The following WTAP variants were observed in gnomAD, a reference collection of about 807,000 sequenced individuals.
The protein encoded by WTAP is WT1 associated protein, also known as pre-mRNA-splicing regulator WTAP.
WTAP carries 8 observed loss-of-function variants against 50.0 expected under a neutral mutation model. That is an observed-to-expected ratio of 0.16 (90% confidence interval 0.09 to 0.29). The LOEUF is 0.29. Ranked by LOEUF, WTAP falls within the 10% of genes least tolerant of loss-of-function variation. The pLI, the probability that WTAP is intolerant of heterozygous loss-of-function variation, is 1.00. For synonymous variants in WTAP, 194 were observed against 169.0 expected (o/e 1.15, Z -1.15); for missense variants, 295 against 470.7 (o/e 0.63, Z 3.45).
chr6:159,735,647 G>A (rs1197654861), intron 1 of WTAP, among the ~76,000 whole-genome samples: 2 of 152,144 alleles, frequency 1.3e-5, no homozygotes, highest in Admixed American at 6.5e-5. Flanking sequence ...TATTTAGGGG[G>A]CTGAGGCAGG....
chr6:159,738,631 T>C (rs1779060255), intron 2 of WTAP, among the ~76,000 whole-genome samples: 1 of 152,224 alleles, frequency 6.6e-6, no homozygotes, highest in South Asian at 2.1e-4. Flanking sequence ...TAAAAGGAAC[T>C]GCCATACTTC....
chr6:159,738,982 C>T lies in WTAP; in HGVS notation c.31-8C>T, dbSNP rs762671079. 5 of 1,605,964 alleles carry T rather than the reference C, an allele frequency of 3.1e-6. No homozygotes were observed. The South Asian group carries it at 3.3e-5, about 11-fold the overall frequency. On this transcript the variant is annotated splice_region_variant and splice_polypyrimidine_tract_variant and intron_variant, in intron 2 of 7. Coordinates refer to ENST00000621533, the MANE Select transcript of WTAP (RefSeq NM_001270531.2). The stretch of plus-strand genomic sequence containing the variant: ...AACACTAAATTCATATTGTAATTCT[C>T]TTTATAGGTTCGATTGAGTGAAACA...
chr6:159,749,426 G>GTTT, intron 6 of WTAP: 4 of 899,558 alleles, frequency 4.4e-6, no homozygotes, highest in East Asian at 1.2e-4. Context: ...GAAATAGTTG[G>GTTT]TTTTTTTTTT....
intron 6 of WTAP, among the ~76,000 whole-genome samples, chr6:159,752,578 C>T (rs549690162): frequency 2.6e-5 from 4 of 151,996 alleles, no homozygotes; most frequent in African/African-American, 4.8e-5. Context: ...CAGATATTTG[C>T]GTGTTTGAAT....
intron 1 of WTAP, among the ~76,000 whole-genome samples, chr6:159,735,768 TATATA>T (rs1244924662): frequency 1.3e-5 from 2 of 151,832 alleles, no homozygotes; most frequent in African/African-American, 2.4e-5. Flanking sequence ...AAAAATAAAA[TATATA>T]ATATATCTAA....
intron 3 of WTAP, 79 bp from the exon 4 acceptor site, chr6:159,742,009 G>T: frequency 9.5e-7 from 1 of 1,053,124 alleles, no homozygotes; most frequent in Non-Finnish European, 1.4e-6. Flanking sequence ...ACTAAAATCT[G>T]TGAGTTTATA....
chr6:159,755,765 C>CTTTTTTTTTTTTTTTTTTTTTTTTTTTTT lies in WTAP; in HGVS notation c.*179_*180insTTTTTTTTTTTTTTTTTTTTTTTTTTTTT. Reference sequence around the variant, plus strand: ...TTTTTCTTTGTTTTTTTTTTCTTTTCTTTTTTTTTTTTTTTTTTTTTTTTT... The same window carrying CTTTTTTTTTTTTTTTTTTTTTTTTTTTTT: ...TTTTTCTTTGTTTTTTTTTTCTTTTCTTTTTTTTTTTTTTTTTTTTTTTTTTTTTTTTTTTTTTTTTTTTTTTTTTTTTT... On this transcript the variant is annotated 3_prime_UTR_variant, in exon 8 of 8. Transcript: ENST00000621533. 1.3e-4 allele frequency: 21 copies of CTTTTTTTTTTTTTTTTTTTTTTTTTTTTT among 160,624 alleles called. 2 individuals carry two copies. Among genetic ancestry groups the CTTTTTTTTTTTTTTTTTTTTTTTTTTTTT allele is most frequent in the Middle Eastern group, 2.8e-3 (1 of 356 alleles). The allele number at this position is 160,624 out of a possible 1,614,324, so 9.9% of individuals were successfully genotyped here. A position where few individuals can be genotyped will look rare whatever the true frequency, so the allele number is the denominator to read the frequency against.
chr6:159,750,384 T>C (rs562871296), intron 6 of WTAP, among the ~76,000 whole-genome samples: 2 of 152,310 alleles, frequency 1.3e-5, no homozygotes, highest in African/African-American at 4.8e-5. Flanking sequence ...ATTTTCTCTT[T>C]TAATAAGATA....
At chr6:159,736,361 T>TA in intron 2 of WTAP, 66 bp downstream of exon 2, 2 of 1,297,498 alleles carry the variant, frequency 1.5e-6, no homozygotes, top group Non-Finnish European at 2.2e-6. Flanking sequence ...TTTAAGCACT[T>TA]TAAAAAAAAA....
chr6:159,755,873 G>T lies in WTAP; in HGVS notation c.*262G>T. ...AAAAGGACATTTTGTGTAGGGTCAA[G>T]TTATTTTTATATGAGTTAATGTGAA... On this transcript the variant is annotated 3_prime_UTR_variant, in exon 8 of 8. Coordinates refer to ENST00000621533, the MANE Select transcript of WTAP (RefSeq NM_001270531.2). The T allele has an allele frequency of 2.2e-6, 1 of 448,870 alleles. No individual in the cohort carries two copies. The highest frequency in any genetic ancestry group is 3.4e-6 in the Non-Finnish European group (1 of 297,134). 27.8% of individuals were successfully genotyped at this position (448,870 alleles called of 1,614,324 possible). A position where few individuals can be genotyped will look rare whatever the true frequency, so the allele number is the denominator to read the frequency against.
intron 1 of WTAP, among the ~76,000 whole-genome samples, chr6:159,734,872 TGTG>T (rs1287451700): frequency 2.0e-5 from 3 of 152,184 alleles, no homozygotes; most frequent in East Asian, 1.9e-4. Context: ...TGTATTTTAA[TGTG>T]GTGTTTATGT....
At chr6:159,737,603 C>A (rs1330560540) in intron 2 of WTAP, among the ~76,000 whole-genome samples, 2 of 152,020 alleles carry the variant, frequency 1.3e-5, no homozygotes, top group Admixed American at 6.6e-5. Flanking sequence ...GCGATCCTCC[C>A]ACCTTTGCCC....
Position 159,755,564 on chromosome 6 carries a change from C to G in WTAP, c.1144C>G (p.Gln382Glu). 1.2e-6 allele frequency: 2 copies of G among 1,614,044 alleles called. No homozygotes were observed. Residue 382 changes from glutamine to glutamate, a missense_variant, in exon 8 of 8, where the codon CAG becomes GAG. By Grantham distance (29) the Gln-to-Glu change is conservative. Around this residue, in one of 2 missense-constraint regions of WTAP, gnomAD observed 175 missense variants for 183.1 expected, o/e 0.96. Coordinates refer to ENST00000621533, the MANE Select transcript of WTAP (RefSeq NM_001270531.2). Reference sequence around the variant, plus strand: ...TCGAACTGTGGGTTCCCGCCACGTTCAGAATGGCTTGGACTCAAGTGTAAA... The same window carrying G: ...TCGAACTGTGGGTTCCCGCCACGTTGAGAATGGCTTGGACTCAAGTGTAAA... ...GNRTVGSRHVQNGLDSSVNVQ... is the reference protein window; with the variant it reads ...GNRTVGSRHVENGLDSSVNVQ...
chr6:159,744,794 A>G (rs1291800844), intron 5 of WTAP, among the ~76,000 whole-genome samples: 5 of 151,940 alleles, frequency 3.3e-5, no homozygotes, highest in Non-Finnish European at 7.4e-5. Flanking sequence ...ATCACACCTC[A>G]CTTCAGCTTC....
intron 5 of WTAP, among the ~76,000 whole-genome samples, chr6:159,747,045 A>C (rs1448349563): frequency 6.6e-6 from 1 of 152,216 alleles, no homozygotes; most frequent in East Asian, 1.9e-4. Context: ...ATTTTTGCTC[A>C]GTGAAACAAA....
chr6:159,732,746 T>G (rs1474016469), intron 1 of WTAP, among the ~76,000 whole-genome samples: 2 of 151,908 alleles, frequency 1.3e-5, no homozygotes, highest in Non-Finnish European at 2.9e-5. Flanking sequence ...ATCGCTTGAA[T>G]CCAGGCGGTG....
chr6:159,744,392 A>G (rs1244791224), intron 5 of WTAP, among the ~76,000 whole-genome samples: 3 of 152,190 alleles, frequency 2.0e-5, no homozygotes, highest in Non-Finnish European at 2.9e-5. Flanking sequence ...TCTGATTTTA[A>G]AATCTGAATG....
intron 3 of WTAP, among the ~76,000 whole-genome samples, chr6:159,740,867 A>G (rs1282346273): frequency 6.6e-6 from 1 of 151,688 alleles, no homozygotes; most frequent in Non-Finnish European, 1.5e-5. Flanking sequence ...ATGCCCTGCT[A>G]ATTTTTTTGT....
chr6:159,751,343 A>G (rs572643714), intron 6 of WTAP, among the ~76,000 whole-genome samples: 3 of 152,310 alleles, frequency 2.0e-5, no homozygotes, highest in South Asian at 4.1e-4. Flanking sequence ...TGTATCTTAC[A>G]GTTGTCTTTT....
Sources: gnomAD v4.1 joint callset for allele counts (sites outside exome capture counted in the v4.1 genomes callset) on GRCh38, gnomAD v4.1.1 for gene constraint, gnomAD v4.1.1 regional missense constraint, MANE v1.5 for transcripts, NCBI Gene and HGNC (gene_info 2026-07-23, HGNC 2026-07-21) for gene names.